The following RBBP4 variants were observed in gnomAD, a reference collection of about 807,000 sequenced individuals.
RBBP4 encodes the protein RB binding protein 4, chromatin remodeling factor, also known as histone-binding protein RBBP4.
Under a neutral mutation model 57.2 loss-of-function variants are expected in RBBP4, and 3 were observed. That is an observed-to-expected ratio of 0.05 (90% CI 0.02 to 0.14). The LOEUF (loss-of-function observed/expected upper bound fraction) is 0.14. Ranked by LOEUF, RBBP4 falls within the 10% of genes least tolerant of loss-of-function variation. The pLI, the probability that RBBP4 is intolerant of heterozygous loss-of-function variation, is 1.00. For missense variants in RBBP4, 107 were observed against 520.6 expected (o/e 0.21, Z 7.73); for synonymous variants, 151 against 171.5 (o/e 0.88, Z 0.93).
intron 3 of RBBP4, among the ~76,000 whole-genome samples, chr1:32,664,943 C>T (rs763448363): frequency 2.0e-5 from 3 of 152,104 alleles, no homozygotes; most frequent in Non-Finnish European, 4.4e-5. Context: ...AAACAATGTA[C>T]ATACCTTAAT....
chr1:32,673,442 C>G (rs55707864), intron 11 of RBBP4: 1 of 358,238 alleles, frequency 2.8e-6, no homozygotes, highest in Non-Finnish European at 5.5e-6. Context: ...TAAATTTTCT[C>G]TTTTTTTTTT....
chr1:32,656,769 GTTAT>G (rs1219947880), intron 2 of RBBP4, among the ~76,000 whole-genome samples: 1 of 152,112 alleles, frequency 6.6e-6, no homozygotes, highest in Non-Finnish European at 1.5e-5. Context: ...ATTGGTTTAT[GTTAT>G]TTACTCTTCT....
intron 11 of RBBP4, among the ~76,000 whole-genome samples, chr1:32,675,466 T>A (rs1428031290): frequency 1.3e-5 from 2 of 152,066 alleles, no homozygotes; most frequent in Non-Finnish European, 2.9e-5. Context: ...CTTTGTAACA[T>A]TACTTATCAA....
chr1:32,658,596 G>T (rs1570839826), intron 3 of RBBP4, among the ~76,000 whole-genome samples: 1 of 150,156 alleles, frequency 6.7e-6, no homozygotes, highest in East Asian at 2.0e-4. Flanking sequence ...GCCCAGGCTG[G>T]AGTGCAGTGG....
Position 32,653,637 on chromosome 1 carries a change from G to GTTTTTTTTTTT in RBBP4, c.164+1588_164+1598dup, listed in dbSNP as rs1053666893. On this transcript the variant is annotated intron_variant, in intron 2 of 11. Coordinates refer to ENST00000373493, the MANE Select transcript of RBBP4 (RefSeq NM_005610.3). The stretch of plus-strand genomic sequence containing the variant: ...TGCTTTGTGTGTTTTTTGTTTTCTG[G>GTTTTTTTTTTT]TTTTTTTTTTTTTTTTTTTTTTGTT... Among the ~76,000 whole-genome samples, 2 of 20,774 alleles carry GTTTTTTTTTTT rather than the reference G, an allele frequency of 9.6e-5. 1 individual carries two copies. Among genetic ancestry groups the GTTTTTTTTTTT allele is most frequent in the Non-Finnish European group, 3.5e-4 (2 of 5,730 alleles). The allele number at this position is 20,774 out of a possible 152,430, so 13.6% of individuals were successfully genotyped here.
Position 32,680,073 on chromosome 1 carries a change from T to A in RBBP4, c.*368T>A, listed in dbSNP as rs1481599037. On this transcript the variant is annotated 3_prime_UTR_variant, in exon 12 of 12. Transcript: ENST00000373493. Reference sequence around the variant, plus strand: ...GGAATAGAGCCAAATGAGGTAGGTGTCTGAGCCATGAAGTATAAATACTGA... The same window carrying A: ...GGAATAGAGCCAAATGAGGTAGGTGACTGAGCCATGAAGTATAAATACTGA... The A allele has an allele frequency of 9.3e-7, 1 of 1,073,314 alleles. No individual in the cohort carries two copies. The highest frequency in any genetic ancestry group is 1.7e-5 in the African/African-American group (1 of 59,502). 66.5% of individuals were successfully genotyped at this position (1,073,314 alleles called of 1,614,324 possible).
chr1:32,677,470 T>TAAAAA (rs10626684), intron 11 of RBBP4, among the ~76,000 whole-genome samples: 2 of 147,200 alleles, frequency 1.4e-5, no homozygotes, highest in African/African-American at 2.5e-5. Flanking sequence ...ATCCTTTATT[T>TAAAAA]AAAAAAAAAA....
chr1:32,667,331 C>T (rs554150478), intron 3 of RBBP4, among the ~76,000 whole-genome samples: 12 of 152,316 alleles, frequency 7.9e-5, no homozygotes, highest in African/African-American at 2.4e-4. Context: ...TAGAAGAAAA[C>T]GCTGACGTAT....
At chr1:32,657,616 A>T in intron 3 of RBBP4, 44 bp downstream of exon 3, 1 of 1,591,412 alleles carries the variant, frequency 6.3e-7, no homozygotes, top group East Asian at 2.3e-5. Flanking sequence ...TGTGGGTCAT[A>T]TCTGTTATGT....
chr1:32,651,331 G>T lies in RBBP4; in HGVS notation c.16+9G>T, dbSNP rs1328477910. The T allele has an allele frequency of 1.4e-6, 2 of 1,456,692 alleles. No individual in the cohort carries two copies. Among genetic ancestry groups the T allele is most frequent in the Middle Eastern group, 2.0e-4 (1 of 4,984 alleles). The allele number at this position is 1,456,692 out of a possible 1,614,324, so 90.2% of individuals were successfully genotyped here. On this transcript the variant is annotated intron_variant, in intron 1 of 11. Transcript: ENST00000373493. ...CATGGCCGACAAGGAAGGTGAGGGT[G>T]CCGGGGCCGACCCAGGAGGGCAGTG...
In RBBP4 at chr1:32,672,841, C is replaced by T. The variant is rs1193476944; in HGVS notation, c.1152C>T (p.Pro384=). 1.1e-5 allele frequency: 17 copies of T among 1,613,658 alleles called. No homozygotes were observed. In the Admixed American group the frequency reaches 1.8e-4, roughly 17 times the overall value. ...TAKISDFSWN[P]NEPWVICSVS... ...AGATATCTGATTTCTCCTGGAATCC[C>T]AATGAACCTTGGGTGATTTGTTCTG... The change falls in exon 11 of 12, where the codon CCC becomes CCT. Residue 384 remains proline (P), a synonymous_variant. Transcript: ENST00000373493.
At chr1:32,661,301 C>T (rs1200323140) in intron 3 of RBBP4, among the ~76,000 whole-genome samples, 1 of 132,102 alleles carries the variant, frequency 7.6e-6, no homozygotes, top group Admixed American at 7.8e-5. Flanking sequence ...ATTTTTAGTT[C>T]CTTTTTTTTT....
At chr1:32,660,641 G>A (rs1470239122) in intron 3 of RBBP4, among the ~76,000 whole-genome samples, 3 of 149,790 alleles carry the variant, frequency 2.0e-5, no homozygotes, top group Admixed American at 6.7e-5. Flanking sequence ...GGCTGATCTG[G>A]AACTCTGGCC....
At chr1:32,671,694 CT>C (rs71006356) in intron 8 of RBBP4, among the ~76,000 whole-genome samples, 6 of 147,618 alleles carry the variant, frequency 4.1e-5, no homozygotes, top group Non-Finnish European at 3.0e-5. Flanking sequence ...GGCCTCATCT[CT>C]TTTTTTTTTT....
At chr1:32,652,294 C>T (rs1308475437) in intron 2 of RBBP4, 10 of 475,818 alleles carry the variant, frequency 2.1e-5, no homozygotes, top group Non-Finnish European at 3.4e-5. Flanking sequence ...ATAGCTGTAG[C>T]TGATGATAAT....
At position 32,685,636 on chromosome 1, in the gene RBBP4, G is replaced by C. The variant is rs1370668022; in HGVS notation, c.*5931G>C. On this transcript the variant is annotated 3_prime_UTR_variant, in exon 12 of 12. Coordinates refer to ENST00000373493, the MANE Select transcript of RBBP4 (RefSeq NM_005610.3). ...CAACATTGTCAAAGGACCTTTTTTA[G>C]TGCCCAGCCATGCCTAAGAGTGTGT... The C allele has an allele frequency of 1.3e-5, 2 of 152,182 alleles. No individual in the cohort carries two copies. The highest frequency in any genetic ancestry group is 2.9e-5 in the Non-Finnish European group (2 of 68,076). The allele number at this position is 152,182 out of a possible 1,614,324, so 9.4% of individuals were successfully genotyped here.
rs757224134 is a variant in RBBP4, at chr1:32,672,778, T to C, written c.1102-13T>C. 4.3e-6 allele frequency: 7 copies of C among 1,609,588 alleles called. No homozygotes were observed. Among genetic ancestry groups the C allele is most frequent in the Admixed American group, 1.7e-5 (1 of 60,016 alleles). The stretch of plus-strand genomic sequence containing the variant: ...ATCTGCATTTCACCTCTTTGTTTTC[T>C]TCCCTCTTTCAGTTTATTCATGGTG... On this transcript the variant is annotated splice_polypyrimidine_tract_variant and intron_variant, in intron 10 of 11. Transcript: ENST00000373493.
At chr1:32,666,069 A>T (rs1377086559) in intron 3 of RBBP4, among the ~76,000 whole-genome samples, 1 of 152,208 alleles carries the variant, frequency 6.6e-6, no homozygotes. Context: ...GTTGTTGCCT[A>T]CCTGGTTTAT....
At chr1:32,657,848 G>A (rs1482541825) in intron 3 of RBBP4, among the ~76,000 whole-genome samples, 2 of 151,990 alleles carry the variant, frequency 1.3e-5, no homozygotes, top group African/African-American at 2.4e-5. Context: ...TATTATTGCT[G>A]TACATTCTTG....
Sources: gnomAD v4.1 joint callset for allele counts (sites outside exome capture counted in the v4.1 genomes callset) on GRCh38, gnomAD v4.1.1 for gene constraint, MANE v1.5 for transcripts, NCBI Gene and HGNC (gene_info 2026-07-23, HGNC 2026-07-21) for gene names.